The following UNC79 variants were observed in gnomAD, a reference collection of about 807,000 sequenced individuals.
The protein encoded by UNC79 is unc-79 subunit of NALCN channel complex.
A neutral mutation model predicts 283.1 loss-of-function variants in UNC79; 37 were observed. That is an observed-to-expected ratio of 0.13 (90% confidence interval 0.10 to 0.17). The LOEUF (loss-of-function observed/expected upper bound fraction) is 0.17. UNC79 is among the 10% of genes least tolerant of loss of function. The pLI, the probability that UNC79 is intolerant of heterozygous loss-of-function variation, is 1.00. For synonymous variants in UNC79, 1,107 were observed against 1,200.2 expected, an observed-to-expected ratio of 0.92 and a Z score of 1.61; for missense variants, 2,272 against 3,211.1, an observed-to-expected ratio of 0.71 and a Z score of 7.07.
exon 23 of UNC79, chr14:93,593,763 A>T: frequency 2.5e-6 from 4 of 1,614,020 alleles, no homozygotes; most frequent in Non-Finnish European, 3.4e-6. Context: ...TCACTTCCTC[A>T]TGGTGCTGAC....
chr14:93,682,147 G>T (rs1033365561), intron 41 of UNC79, among the ~76,000 whole-genome samples: 3 of 152,198 alleles, frequency 2.0e-5, no homozygotes, highest in African/African-American at 4.8e-5. Context: ...ATGAATAGGG[G>T]CAGGAAGATG....
chr14:93,578,364 C>G (rs1009191684), intron 18 of UNC79, among the ~76,000 whole-genome samples: 2 of 152,078 alleles, frequency 1.3e-5, no homozygotes, highest in Non-Finnish European at 2.9e-5. Context: ...TTGGGAAGGG[C>G]AAGGTACAAC....
chr14:93,452,229 C>T (rs1453622215), intron 1 of UNC79, among the ~76,000 whole-genome samples: 1 of 152,088 alleles, frequency 6.6e-6, no homozygotes, highest in East Asian at 1.9e-4. Flanking sequence ...TCTTTTCGTT[C>T]TTTTTTCACA....
At chr14:93,446,722 T>G (rs2056471967) in intron 1 of UNC79, among the ~76,000 whole-genome samples, 1 of 152,196 alleles carries the variant, frequency 6.6e-6, no homozygotes, top group African/African-American at 2.4e-5. Flanking sequence ...TTTCCAAATA[T>G]TTGGGATTTT....
At chr14:93,542,443 G>T (rs779498454) in intron 13 of UNC79, 23 bp from the exon 14 acceptor site, 3 of 1,598,108 alleles carry the variant, frequency 1.9e-6, no homozygotes, top group Non-Finnish European at 2.6e-6. Flanking sequence ...AGCCGAACAA[G>T]GTTCTAATCT....
intron 4 of UNC79, among the ~76,000 whole-genome samples, chr14:93,479,102 A>G (rs1208594550): frequency 2.0e-5 from 3 of 152,192 alleles, no homozygotes; most frequent in Non-Finnish European, 2.9e-5. Context: ...TATCTTTAAA[A>G]TAAGTGATGT....
chr14:93,398,002 C>T (rs1265006958), intron 1 of UNC79, among the ~76,000 whole-genome samples: 2 of 152,124 alleles, frequency 1.3e-5, no homozygotes, highest in Admixed American at 1.3e-4. Flanking sequence ...ATTTCAAGTT[C>T]TGACATGTTG....
chr14:93,456,036 A>T (rs1341242229), intron 1 of UNC79, among the ~76,000 whole-genome samples: 1 of 151,786 alleles, frequency 6.6e-6, no homozygotes, highest in African/African-American at 2.4e-5. Context: ...CAGATGTATG[A>T]TGAGGTGAAT....
At chr14:93,340,731 C>G (rs1381039493) in intron 1 of UNC79, among the ~76,000 whole-genome samples, 1 of 151,974 alleles carries the variant, frequency 6.6e-6, no homozygotes, top group Non-Finnish European at 1.5e-5. Flanking sequence ...ACCACCATAC[C>G]TGGATAATTT....
intron 41 of UNC79, among the ~76,000 whole-genome samples, chr14:93,676,252 G>T (rs1213535404): frequency 6.6e-6 from 1 of 152,060 alleles, no homozygotes; most frequent in African/African-American, 2.4e-5. Flanking sequence ...TAGAGATGGG[G>T]ATTGGCCATG....
chr14:93,395,251 C>T (rs2054970602), intron 1 of UNC79, among the ~76,000 whole-genome samples: 1 of 151,914 alleles, frequency 6.6e-6, no homozygotes, highest in South Asian at 2.1e-4. Flanking sequence ...TTATATTTGC[C>T]TTCATTTTTA....
At chr14:93,478,228 G>A (rs1264900356) in intron 4 of UNC79, among the ~76,000 whole-genome samples, 1 of 152,080 alleles carries the variant, frequency 6.6e-6, no homozygotes. Flanking sequence ...CCTTATAGAG[G>A]TATCGTGATG....
At chr14:93,613,613 A>G (rs894549828) in intron 27 of UNC79, among the ~76,000 whole-genome samples, 28 of 151,960 alleles carry the variant, frequency 1.8e-4, no homozygotes, top group Admixed American at 2.0e-4. Context: ...ATGGGGTTTC[A>G]TCGTGTTAGC....
intron 1 of UNC79, among the ~76,000 whole-genome samples, chr14:93,374,825 G>T (rs556179500): frequency 1.3e-5 from 2 of 152,302 alleles, no homozygotes; most frequent in African/African-American, 2.4e-5. Flanking sequence ...GGGATTACGG[G>T]TGTGAGCCAC....
In UNC79 at chr14:93,532,213, T is replaced by TA. The variant is rs2060853320; in HGVS notation, c.1094-336dup. On this transcript the variant is annotated intron_variant, in intron 10 of 48. Coordinates refer to ENST00000555664, the Ensembl canonical transcript of UNC79. ...GCATGGTGGCTTACACCTGTAATCC[T>TA]AGCCTTTTGGAGGGAGGTCAAGGCA... is the stretch of plus-strand genomic sequence containing the variant. Among the ~76,000 whole-genome samples, 4 of 151,328 alleles carry TA rather than the reference T, an allele frequency of 2.6e-5. No homozygotes were observed. In the South Asian group the frequency reaches 8.4e-4, roughly 32 times the overall value.
chr14:93,354,830 T>C (rs2054052513), intron 1 of UNC79, among the ~76,000 whole-genome samples: 1 of 152,062 alleles, frequency 6.6e-6, no homozygotes, highest in South Asian at 2.1e-4. Flanking sequence ...AGATATTCAG[T>C]CTATACAGGA....
chr14:93,491,369 A>G (rs1046986647), intron 5 of UNC79, among the ~76,000 whole-genome samples: 1 of 151,926 alleles, frequency 6.6e-6, no homozygotes, highest in Non-Finnish European at 1.5e-5. Context: ...TCAAAATACT[A>G]TATTTATTAT....
chr14:93,483,729 G>T (rs183782188), intron 4 of UNC79, among the ~76,000 whole-genome samples: 5 of 135,356 alleles, frequency 3.7e-5, no homozygotes, highest in Admixed American at 8.7e-5. Context: ...GTGATGTTCC[G>T]CATCCTGGGT....
chr14:93,537,550 AAG>A (rs2061152030), intron 11 of UNC79, among the ~76,000 whole-genome samples: 1 of 152,162 alleles, frequency 6.6e-6, no homozygotes, highest in African/African-American at 2.4e-5. Context: ...ATAATTTTGA[AAG>A]AGTTTATTCC....
Sources: allele counts gnomAD v4.1 joint callset (sites outside exome capture counted in the v4.1 genomes callset), GRCh38; gene constraint gnomAD v4.1.1; transcripts MANE v1.5; gene names NCBI Gene and HGNC (gene_info 2026-07-23, HGNC 2026-07-21).